GPHN: variants seen among roughly 807,000 people sequenced by gnomAD.
GPHN encodes the protein gephyrin.
A neutral mutation model predicts 95.5 loss-of-function variants in GPHN; 17 were observed. The observed-to-expected ratio is 0.18, with a 90% confidence interval of 0.12 to 0.27. GPHN has a LOEUF of 0.27. GPHN is among the 10% of genes least tolerant of loss of function. The probability of loss-of-function intolerance (pLI) is 1.00; values close to 1 mark genes in which losing one functional copy is unlikely to be tolerated. For synonymous variants in GPHN, 320 were observed against 322.5 expected, an observed-to-expected ratio of 0.99 and a Z score of 0.08; for missense variants, 660 against 978.1, an observed-to-expected ratio of 0.67 and a Z score of 4.34.
rs533710576 is a variant in GPHN, at chr14:66,591,092, G to A, written c.64+82501G>A. 1.2e-4 allele frequency among the ~76,000 whole-genome samples: 18 copies of A among 152,136 alleles called. No individual in the cohort carries two copies. In the South Asian group the frequency reaches 2.3e-3, roughly 19 times the overall value. ...CTCAATAGATGCAGAAAAGGCCTCC[G>A]ATAAAATTCAAGAGCCTTCATGCTA... On this transcript the variant is annotated intron_variant, in intron 1 of 22. Coordinates refer to ENST00000478722, the MANE Select transcript of GPHN (RefSeq NM_020806.5).
the GPHN span, chr14:67,203,151 G>C: frequency 6.2e-7 from 1 of 1,613,938 alleles, no homozygotes; most frequent in Non-Finnish European, 8.5e-7. Context: ...GGTGACCGTA[G>C]GCATCTGTTT....
At chr14:67,554,319 G>A in the GPHN span, among the ~76,000 whole-genome samples, 2 of 152,320 alleles carry the variant, frequency 1.3e-5, no homozygotes, top group South Asian at 4.1e-4. Flanking sequence ...CAGTTCACTG[G>A]TAAATATCAG....
the GPHN span, among the ~76,000 whole-genome samples, chr14:67,711,918 A>T: frequency 2.6e-5 from 4 of 152,130 alleles, no homozygotes; most frequent in African/African-American, 9.7e-5. Flanking sequence ...TTAGATAGGG[A>T]CTACCTATCT....
chr14:67,624,593 A>G, the GPHN span, among the ~76,000 whole-genome samples: 4 of 151,984 alleles, frequency 2.6e-5, no homozygotes, highest in Admixed American at 2.6e-4. Flanking sequence ...TCTCATGAGA[A>G]CTCTATCATG....
At chr14:66,569,573 G>T (rs1366918445) in intron 1 of GPHN, among the ~76,000 whole-genome samples, 1 of 151,844 alleles carries the variant, frequency 6.6e-6, no homozygotes. Flanking sequence ...TGAGGCAAGA[G>T]AATCGCTTGA....
chr14:66,750,707 G>A (rs986076623), intron 2 of GPHN, among the ~76,000 whole-genome samples: 1 of 151,904 alleles, frequency 6.6e-6, no homozygotes, highest in Non-Finnish European at 1.5e-5. Flanking sequence ...TTTTATCAAT[G>A]CTGAAAATGT....
intron 8 of GPHN, among the ~76,000 whole-genome samples, chr14:66,949,304 C>T (rs953017799): frequency 1.3e-5 from 2 of 152,044 alleles, no homozygotes; most frequent in Non-Finnish European, 2.9e-5. Flanking sequence ...AGGCTGGTCT[C>T]GAACTGGCTG....
the GPHN span, among the ~76,000 whole-genome samples, chr14:67,354,947 G>A: frequency 6.6e-6 from 1 of 152,078 alleles, no homozygotes; most frequent in African/African-American, 2.4e-5. Context: ...CCGAGTAGCT[G>A]GGATTACAGG....
chr14:67,620,958 C>T, the GPHN span: 1 of 1,614,046 alleles, frequency 6.2e-7, no homozygotes, highest in Non-Finnish European at 8.5e-7. Context: ...AAAAGGCTCT[C>T]CAGTTTGGGT....
At chr14:67,228,185 AG>A in the GPHN span, among the ~76,000 whole-genome samples, 159 of 151,992 alleles carry the variant, frequency 1.0e-3, 2 homozygotes, top group East Asian at 0.029. Flanking sequence ...AAAAAAAAAA[AG>A]AAATTAAGTT....
chr14:66,542,598 CCA>C (rs916796082), intron 1 of GPHN, among the ~76,000 whole-genome samples: 3 of 152,124 alleles, frequency 2.0e-5, no homozygotes, highest in Non-Finnish European at 2.9e-5. Context: ...CAGCAGTTCT[CCA>C]CTCTCACTCC....
chr14:66,576,476 T>G (rs1475086462), intron 1 of GPHN, among the ~76,000 whole-genome samples: 1 of 135,368 alleles, frequency 7.4e-6, no homozygotes, highest in African/African-American at 3.4e-5. Context: ...TTACTAATCC[T>G]CTCTGTACTT....
At chr14:66,631,523 T>C (rs2063810126) in intron 1 of GPHN, among the ~76,000 whole-genome samples, 1 of 152,210 alleles carries the variant, frequency 6.6e-6, no homozygotes, top group Non-Finnish European at 1.5e-5. Context: ...AAAAGCTCTT[T>C]CTATGTATAA....
rs543582602 is a variant in GPHN, at chr14:66,757,621, C to T, written c.144-18843C>T. 1.0e-3 allele frequency among the ~76,000 whole-genome samples: 152 copies of T among 152,286 alleles called. 4 individuals are homozygous for T. The South Asian group carries it at 0.031, about 31-fold the overall frequency. ...GCCAGGCTGGTCTCAAACTCCTGGC[C>T]TCAAGTAATCTGCCCACCTCAGCCT... On this transcript the variant is annotated intron_variant, in intron 2 of 22. Coordinates refer to ENST00000478722, the MANE Select transcript of GPHN (RefSeq NM_020806.5).
intron 6 of GPHN, among the ~76,000 whole-genome samples, chr14:66,916,510 T>G (rs2065912553): frequency 2.0e-5 from 3 of 151,092 alleles, no homozygotes; most frequent in African/African-American, 4.9e-5. Flanking sequence ...TGGTTTTTTT[T>G]TTTGTTTTGT....
the GPHN span, among the ~76,000 whole-genome samples, chr14:67,602,993 A>G: frequency 6.6e-6 from 1 of 152,322 alleles, no homozygotes; most frequent in East Asian, 1.9e-4. Flanking sequence ...CATTTCGCCA[A>G]ACTTCCAGAG....
chr14:66,578,519 A>ATACT (rs2060998698), intron 1 of GPHN, among the ~76,000 whole-genome samples: 1 of 151,884 alleles, frequency 6.6e-6, no homozygotes, highest in South Asian at 2.1e-4. Context: ...AGACTTAGTA[A>ATACT]AACTCTCAGA....
At chr14:66,836,539 A>T (rs1439425269) in intron 4 of GPHN, among the ~76,000 whole-genome samples, 14 of 137,420 alleles carry the variant, frequency 1.0e-4, no homozygotes, top group African/African-American at 4.0e-4. Context: ...ATGGGCAAGG[A>T]CTTCATGTCT....
At chr14:66,510,210 T>TG (rs1342288238) in intron 1 of GPHN, among the ~76,000 whole-genome samples, 1 of 152,208 alleles carries the variant, frequency 6.6e-6, no homozygotes, top group Non-Finnish European at 1.5e-5. Flanking sequence ...TGTCAAAGTG[T>TG]ATATCTTTTA....
Sources: allele counts gnomAD v4.1 joint callset (sites outside exome capture counted in the v4.1 genomes callset), GRCh38; gene constraint gnomAD v4.1.1; transcripts MANE v1.5; gene names NCBI Gene and HGNC (gene_info 2026-07-23, HGNC 2026-07-21).